Variants in DZIP3 observed in about 807,000 individuals in gnomAD.
DZIP3 encodes the protein E3 ubiquitin-protein ligase DZIP3.
A neutral mutation model predicts 162.0 loss-of-function variants in DZIP3; 118 were observed. The ratio of observed to expected loss-of-function variants is 0.73; its 90% CI spans 0.63 to 0.85. The LOEUF is 0.85. DZIP3 is among the 40% of genes least tolerant of loss of function. DZIP3 has a pLI of 0.00. For synonymous variants in DZIP3, 438 were observed against 458.6 expected, an observed-to-expected ratio of 0.96 and a Z score of 0.57; for missense variants, 1,331 against 1,407.0, an observed-to-expected ratio of 0.95 and a Z score of 0.86.
chr3:108,624,418 C>T, intron 5 of DZIP3, 26 bp from the exon 6 acceptor site: 1 of 1,329,788 alleles, frequency 7.5e-7, no homozygotes, highest in Non-Finnish European at 1.1e-6. Flanking sequence ...TCTAAATAAC[C>T]AATTAACATA....
chr3:108,619,268 CTGTGTGTGTG>C (rs369286494), intron 5 of DZIP3, among the ~76,000 whole-genome samples: 1 of 149,506 alleles, frequency 6.7e-6, no homozygotes, highest in Admixed American at 6.7e-5. Flanking sequence ...CTGGTTTTTG[CTGTGTGTGTG>C]TATGTGTGTG....
intron 29 of DZIP3, 126 bp from the exon 30 acceptor site, chr3:108,688,467 A>G (rs1342852369): frequency 9.0e-7 from 1 of 1,112,378 alleles, no homozygotes; most frequent in African/African-American, 1.6e-5. Context: ...TTTGTTCAAG[A>G]TTTCTCACAA....
At chr3:108,643,015 T>C (rs1183369640) in intron 13 of DZIP3, among the ~76,000 whole-genome samples, 1 of 152,204 alleles carries the variant, frequency 6.6e-6, no homozygotes, top group Non-Finnish European at 1.5e-5. Context: ...AATAGTTTGG[T>C]GGCAGTCCAG....
At chr3:108,665,355 G>GGA (rs1338778880) in intron 21 of DZIP3, among the ~76,000 whole-genome samples, 1 of 152,080 alleles carries the variant, frequency 6.6e-6, no homozygotes, top group African/African-American at 2.4e-5. Context: ...CTAGTAAAGT[G>GGA]GAGATGACAG....
At chr3:108,665,711 C>T (rs753910336) in intron 21 of DZIP3, among the ~76,000 whole-genome samples, 14 of 152,046 alleles carry the variant, frequency 9.2e-5, no homozygotes, top group Non-Finnish European at 1.9e-4. Context: ...GGCTTGAAAA[C>T]AGGCAGAGAA....
chr3:108,612,871 T>C (rs1038227326), intron 4 of DZIP3, among the ~76,000 whole-genome samples: 16 of 152,140 alleles, frequency 1.1e-4, no homozygotes, highest in African/African-American at 3.9e-4. Context: ...ACTGTACTTA[T>C]TTATAATGAT....
intron 32 of DZIP3, among the ~76,000 whole-genome samples, chr3:108,691,937 CTAAGTTAGGTATA>C (rs1469409539): frequency 1.7e-4 from 26 of 152,258 alleles, no homozygotes; most frequent in Non-Finnish European, 7.3e-5. Context: ...CTTTCCCCTA[CTAAGTTAGGTATA>C]TAAGCCCCAA....
intron 13 of DZIP3, among the ~76,000 whole-genome samples, chr3:108,643,791 T>G (rs1942501769): frequency 6.6e-6 from 1 of 152,090 alleles, no homozygotes; most frequent in Non-Finnish European, 1.5e-5. Context: ...GTATAATTGT[T>G]TAAGTAAAGT....
intron 19 of DZIP3, 141 bp from the exon 20 acceptor site, chr3:108,661,736 G>A (rs1250090248): frequency 1.5e-5 from 9 of 594,398 alleles, no homozygotes; most frequent in Non-Finnish European, 2.7e-5. Context: ...GTAATTGAGG[G>A]GAGGTGGGTT....
chr3:108,637,382 A>T, intron 11 of DZIP3, 114 bp from the exon 12 acceptor site: 3 of 936,154 alleles, frequency 3.2e-6, no homozygotes, highest in Non-Finnish European at 5.0e-6. Flanking sequence ...TTTGTTTTAT[A>T]TTCACTGTGG....
chr3:108,631,055 A>ACACACACTCTCTCTCTCTCTCTCTCT, intron 8 of DZIP3, among the ~76,000 whole-genome samples: 1 of 18,014 alleles, frequency 5.6e-5, no homozygotes, highest in Non-Finnish European at 9.0e-5. Flanking sequence ...ACACACACAC[A>ACACACACTCTCTCTCTCTCTCTCTCT]CTCTCTCTCT....
intron 26 of DZIP3, among the ~76,000 whole-genome samples, chr3:108,680,804 T>C (rs1468174505): frequency 1.3e-5 from 2 of 152,074 alleles, no homozygotes; most frequent in Admixed American, 6.6e-5. Context: ...ACGCCACACA[T>C]TTACAACCAT....
intron 1 of DZIP3, among the ~76,000 whole-genome samples, chr3:108,603,783 T>A (rs1293735772): frequency 6.6e-6 from 1 of 152,192 alleles, no homozygotes; most frequent in Non-Finnish European, 1.5e-5. Context: ...GAGTCAGATG[T>A]AGAATATTGG....
In DZIP3 at chr3:108,622,646, T is replaced by C. The variant is rs552205078; in HGVS notation, c.376-1798T>C. ...TTCCAGGTATTCAAAGGGACTTGCA[T>C]ATTGTGATTTAAGTCCTTGGTCACT... On this transcript the variant is annotated intron_variant, in intron 5 of 32. Transcript: ENST00000361582. Among the ~76,000 whole-genome samples, 252 of 152,268 alleles carry C rather than the reference T, an allele frequency of 1.7e-3. 3 individuals are homozygous for C. The highest frequency in any genetic ancestry group is 3.4e-3 in the Middle Eastern group (1 of 294).
chr3:108,630,475 A>AG (rs1941781100), intron 8 of DZIP3, among the ~76,000 whole-genome samples: 1 of 152,138 alleles, frequency 6.6e-6, no homozygotes, highest in Non-Finnish European at 1.5e-5. Flanking sequence ...CAGAATTGAA[A>AG]GGAGAAATAT....
chr3:108,668,205 T>C (rs1448663280), intron 21 of DZIP3, among the ~76,000 whole-genome samples: 1 of 152,070 alleles, frequency 6.6e-6, no homozygotes, highest in Non-Finnish European at 1.5e-5. Context: ...GACTTAACTT[T>C]GGATAAACTA....
At position 108,631,055 on chromosome 3, in the gene DZIP3, A is replaced by ACACACATACACTCTCT; in HGVS notation, c.696+1880_696+1881insACACATACACTCTCTC. On this transcript the variant is annotated intron_variant, in intron 8 of 32. Coordinates refer to ENST00000361582, the MANE Select transcript of DZIP3 (RefSeq NM_014648.4). ...CACACACACACACACACACACACAC[A>ACACACATACACTCTCT]CTCTCTCTCTCTCTCTCTCTCTCTC... is the stretch of plus-strand genomic sequence containing the variant. Among the ~76,000 whole-genome samples, 29 of 18,018 alleles carry ACACACATACACTCTCT rather than the reference A, an allele frequency of 1.6e-3. 1 individual carries two copies. Among genetic ancestry groups the ACACACATACACTCTCT allele is most frequent in the South Asian group, 4.7e-3 (2 of 426 alleles). 11.8% of individuals were successfully genotyped at this position (18,018 alleles called of 152,430 possible).
rs191169354 is a variant in DZIP3, at chr3:108,651,903, G to A, written c.2033+741G>A. 7.9e-4 allele frequency among the ~76,000 whole-genome samples: 120 copies of A among 151,852 alleles called. 1 individual carries two copies. Among genetic ancestry groups the A allele is most frequent in the Non-Finnish European group, 1.5e-3 (100 of 67,734 alleles). ...TAAGATATCTTTAAAACAGCAGTAAGATCATATTTTGTTAACTTTAAAGCT... is the reference window on the plus strand; with the variant it reads ...TAAGATATCTTTAAAACAGCAGTAAAATCATATTTTGTTAACTTTAAAGCT... On this transcript the variant is annotated intron_variant, in intron 18 of 32. Coordinates refer to ENST00000361582, the MANE Select transcript of DZIP3 (RefSeq NM_014648.4).
chr3:108,634,402 G>T (rs954056801), intron 9 of DZIP3, among the ~76,000 whole-genome samples: 8 of 152,164 alleles, frequency 5.3e-5, no homozygotes, highest in Non-Finnish European at 1.0e-4. Context: ...CAGTGGGAAA[G>T]ACAAGCAATC....
Sources: gnomAD v4.1 joint callset for allele counts (sites outside exome capture counted in the v4.1 genomes callset) on GRCh38, gnomAD v4.1.1 for gene constraint, MANE v1.5 for transcripts, NCBI Gene and HGNC (gene_info 2026-07-23, HGNC 2026-07-21) for gene names.